Variants in GALNT2 observed in about 807,000 individuals in gnomAD.
GALNT2 encodes polypeptide N-acetylgalactosaminyltransferase 2, also known as UDP-GalNAc:polypeptide N-acetylgalactosaminyltransferase 2.
In GALNT2, 31 loss-of-function variants were observed where a neutral mutation model predicts 81.4. The ratio of observed to expected loss-of-function variants is 0.38; its 90% CI spans 0.29 to 0.51. The LOEUF (loss-of-function observed/expected upper bound fraction) is 0.51, where lower values mean the gene tolerates loss of function less well. GALNT2 is among the 20% of genes least tolerant of loss of function. The probability of loss-of-function intolerance (pLI) is 0.87; values close to 1 mark genes in which losing one functional copy is unlikely to be tolerated. For missense variants in GALNT2, 629 were observed against 765.7 expected, an observed-to-expected ratio of 0.82 and a Z score of 2.11; for synonymous variants, 303 against 287.4, an observed-to-expected ratio of 1.05 and a Z score of -0.55.
chr1:230,148,260 A>G (rs1025367682), intron 1 of GALNT2, among the ~76,000 whole-genome samples: 1 of 152,224 alleles, frequency 6.6e-6, no homozygotes, highest in African/African-American at 2.4e-5. Flanking sequence ...GTGCACTCAG[A>G]GGGAGAGCCC....
Position 230,243,237 on chromosome 1 carries a change from G to A in GALNT2, c.608-69G>A, listed in dbSNP as rs556140541. Reference sequence around the variant, plus strand: ...GAGCTGCGGGCAGGGAGGCGTCGCCGGTTGGCATGGGGTTGTGCTGGCCCT... The same window carrying A: ...GAGCTGCGGGCAGGGAGGCGTCGCCAGTTGGCATGGGGTTGTGCTGGCCCT... On this transcript the variant is annotated intron_variant, in intron 6 of 15. Coordinates refer to ENST00000366672, the MANE Select transcript of GALNT2 (RefSeq NM_004481.5). This position sits in a 1 kb window ranked among gnomAD's most constrained non-coding sequence, Gnocchi z 4.2. 1.5e-5 allele frequency: 22 copies of A among 1,499,984 alleles called. No homozygotes were observed. Among genetic ancestry groups the A allele is most frequent in the Middle Eastern group, 1.8e-4 (1 of 5,692 alleles). 92.9% of individuals were successfully genotyped at this position (1,499,984 alleles called of 1,614,324 possible). A position where few individuals can be genotyped will look rare whatever the true frequency, so the allele number is the denominator to read the frequency against.
At position 230,223,922 on chromosome 1, in the gene GALNT2, A is replaced by G. The variant is rs548931049; in HGVS notation, c.375-12092A>G. On this transcript the variant is annotated intron_variant, in intron 3 of 15. Transcript: ENST00000366672. ...ACTGCTCAGGGGTCCCACAGACTCCATTATCTGGCCCAGCTTTTGTGGGGA... is the reference window on the plus strand; with the variant it reads ...ACTGCTCAGGGGTCCCACAGACTCCGTTATCTGGCCCAGCTTTTGTGGGGA... Among the ~76,000 whole-genome samples, 7 of 152,320 alleles carry G rather than the reference A, an allele frequency of 4.6e-5. No individual in the cohort carries two copies. The East Asian group carries it at 9.6e-4, about 21-fold the overall frequency.
At position 230,082,935 on chromosome 1, in the gene GALNT2, GAGCTGGGATGATGGAGCAGAGC is replaced by G. The variant is rs1302191656; in HGVS notation, c.126+15549_126+15570del. The stretch of plus-strand genomic sequence containing the variant: ...CAGGGAGCTGGGATGATGGAGCCGG[GAGCTGGGATGATGGAGCAGAGC>G]AGCTGGGATGATGGAGCAGGGCAGC... On this transcript the variant is annotated intron_variant, in intron 1 of 15. Transcript: ENST00000366672. Among the ~76,000 whole-genome samples the G allele has an allele frequency of 7.3e-5, 11 of 151,530 alleles. No individual in the cohort carries two copies. In the East Asian group the frequency reaches 1.4e-3, roughly 19 times the overall value.
intron 1 of GALNT2, among the ~76,000 whole-genome samples, chr1:230,068,523 A>G (rs1454117538): frequency 6.6e-6 from 1 of 152,224 alleles, no homozygotes; most frequent in Non-Finnish European, 1.5e-5. Context: ...GAGATGGACT[A>G]CGGGTGGTTG....
At position 230,070,355 on chromosome 1, in the gene GALNT2, C is replaced by T. The variant is rs1190668258; in HGVS notation, c.126+2949C>T. On this transcript the variant is annotated intron_variant, in intron 1 of 15. Coordinates refer to ENST00000366672, the MANE Select transcript of GALNT2 (RefSeq NM_004481.5). The surrounding 1 kb of genome is among the most constrained non-coding windows in gnomAD (Gnocchi z 4.7). The stretch of plus-strand genomic sequence containing the variant: ...TAAAATTTTAACCATGTTAAGTCTC[C>T]CCTGGGCTTTGGTACGTTGGCAGTG... Among the ~76,000 whole-genome samples the T allele has an allele frequency of 6.6e-6, 1 of 152,114 alleles. No individual in the cohort carries two copies. Among genetic ancestry groups the T allele is most frequent in the Non-Finnish European group, 1.5e-5 (1 of 68,044 alleles).
At chr1:230,262,551 T>G in intron 11 of GALNT2, 22 bp from the exon 12 acceptor site, 1 of 1,596,950 alleles carries the variant, frequency 6.3e-7, no homozygotes, top group Non-Finnish European at 8.6e-7. Context: ...AAATCACACC[T>G]CAAGATTTAT....
rs868731196 is a variant in GALNT2, at chr1:230,281,005, C to G, written c.*1547C>G. On this transcript the variant is annotated 3_prime_UTR_variant, in exon 16 of 16. Coordinates refer to ENST00000366672, the MANE Select transcript of GALNT2 (RefSeq NM_004481.5). The stretch of plus-strand genomic sequence containing the variant: ...GCCGCCTTCTCCAGCGCCGCACACA[C>G]AGATGCTCAGTCTCAGAGAGGCTGG... 1 of 152,360 alleles carries G rather than the reference C, an allele frequency of 6.6e-6. No individual in the cohort carries two copies. The highest frequency in any genetic ancestry group is 1.9e-4 in the East Asian group (1 of 5,176). 9.4% of individuals were successfully genotyped at this position (152,360 alleles called of 1,614,324 possible).
At chr1:230,218,410 G>C (rs146787574) in intron 3 of GALNT2, among the ~76,000 whole-genome samples, 2 of 152,292 alleles carry the variant, frequency 1.3e-5, no homozygotes, top group East Asian at 3.9e-4. Context: ...CGATCTTGGC[G>C]TGTCAGTTAG....
chr1:230,063,008 AT>A (rs1659085612), upstream of GALNT2, among the ~76,000 whole-genome samples: 1 of 151,986 alleles, frequency 6.6e-6, no homozygotes, highest in Non-Finnish European at 1.5e-5. Flanking sequence ...TTATTTATTT[AT>A]TTATTTTAAA....
chr1:230,060,795 T>C (rs1659028543), intron 1 of GALNT2, among the ~76,000 whole-genome samples: 1 of 152,214 alleles, frequency 6.6e-6, no homozygotes, highest in Non-Finnish European at 1.5e-5. Flanking sequence ...TCATTGTGTA[T>C]GCCTAGATTT....
At chr1:230,101,987 T>G (rs1238930468) in intron 1 of GALNT2, among the ~76,000 whole-genome samples, 3 of 152,230 alleles carry the variant, frequency 2.0e-5, no homozygotes, top group Non-Finnish European at 4.4e-5. Flanking sequence ...TTAGCTCTCC[T>G]CTTTGTTTTC....
At chr1:230,142,054 A>G (rs1661758451) in intron 1 of GALNT2, among the ~76,000 whole-genome samples, 1 of 151,744 alleles carries the variant, frequency 6.6e-6, no homozygotes, top group African/African-American at 2.4e-5. Context: ...TGGCCTCCCA[A>G]AGTGCTGGGA....
intron 13 of GALNT2, 26 bp from the exon 14 acceptor site, chr1:230,265,215 C>T: frequency 6.2e-7 from 1 of 1,614,036 alleles, no homozygotes; most frequent in Non-Finnish European, 8.5e-7. Context: ...TGCAGTGAAG[C>T]AGGTGATTCT....
intron 1 of GALNT2, among the ~76,000 whole-genome samples, chr1:230,098,102 C>T (rs1660300984): frequency 6.6e-6 from 1 of 152,192 alleles, no homozygotes; most frequent in Non-Finnish European, 1.5e-5. Flanking sequence ...AAGCACTTTA[C>T]ACTCACTCTT....
intron 1 of GALNT2, among the ~76,000 whole-genome samples, chr1:230,124,644 C>T (rs746703543): frequency 2.0e-5 from 3 of 152,186 alleles, no homozygotes; most frequent in African/African-American, 4.8e-5. Flanking sequence ...CCTGCTGTTC[C>T]TGAACAATCT....
At chr1:230,161,011 T>C (rs1662415694) in intron 1 of GALNT2, among the ~76,000 whole-genome samples, 1 of 152,190 alleles carries the variant, frequency 6.6e-6, no homozygotes, top group Admixed American at 6.5e-5. Flanking sequence ...TGTGAAGTTG[T>C]TGTTGAGGAT....
rs1274753337 is a variant in GALNT2 at position 230,279,095 on chromosome 1, AAT to A, written c.1561-205_1561-204del. On this transcript the variant is annotated intron_variant, in intron 15 of 15. Transcript: ENST00000366672. This position sits in a 1 kb window ranked among gnomAD's most constrained non-coding sequence, Gnocchi z 4.6. Reference sequence around the variant, plus strand: ...TTCTGAGTTTTGATCCAAGGCAGAGAATATGTTTCCTTCCTGGGTCCCAGCAG... The same window carrying A: ...TTCTGAGTTTTGATCCAAGGCAGAGAATGTTTCCTTCCTGGGTCCCAGCAG... Among the ~76,000 whole-genome samples the A allele has an allele frequency of 1.3e-5, 2 of 152,150 alleles. No homozygotes were observed. The highest frequency in any genetic ancestry group is 2.4e-5 in the African/African-American group (1 of 41,442).
intron 1 of GALNT2, among the ~76,000 whole-genome samples, chr1:230,107,714 A>G (rs1027274897): frequency 6.6e-6 from 1 of 151,866 alleles, no homozygotes; most frequent in Non-Finnish European, 1.5e-5. Context: ...AGTGGTTTAC[A>G]TATTGGTGCT....
Position 230,255,256 on chromosome 1 carries a change from G to A in GALNT2, c.1048G>A (p.Glu350Lys), listed in dbSNP as rs1440430510. The change falls in exon 11 of 16, where the codon GAG becomes AAG. Residue 350 changes from glutamate (E) to lysine (K), a missense_variant. Physicochemically the swap from Glu to Lys is moderately conservative, Grantham distance 56. Coordinates refer to ENST00000366672, the MANE Select transcript of GALNT2 (RefSeq NM_004481.5). ...FRVWQCGGSL[E>K]IIPCSRVGHV... Reference sequence around the variant, plus strand: ...CGTGTGGCAGTGTGGTGGCAGCCTGGAGATCATCCCGTGCAGCCGTGTGGG... The same window carrying A: ...CGTGTGGCAGTGTGGTGGCAGCCTGAAGATCATCCCGTGCAGCCGTGTGGG... 6.2e-7 allele frequency: 1 copy of A among 1,614,164 alleles called. No individual in the cohort carries two copies. Among genetic ancestry groups the A allele is most frequent in the South Asian group, 1.1e-5 (1 of 91,078 alleles).
Sources: gnomAD v4.1 joint callset for allele counts (sites outside exome capture counted in the v4.1 genomes callset) on GRCh38, gnomAD v4.1.1 for gene constraint, Gnocchi (gnomAD v3.1) non-coding constraint, MANE v1.5 for transcripts, NCBI Gene and HGNC (gene_info 2026-07-23, HGNC 2026-07-21) for gene names.